The following CENPW variants were observed in gnomAD, a reference collection of about 807,000 sequenced individuals.
The protein encoded by CENPW is cancer-up-regulated gene 2 protein.
In CENPW, 3 loss-of-function variants were observed where a neutral mutation model predicts 11.1. The observed-to-expected ratio is 0.27, with a 90% CI of 0.12 to 0.70. The LOEUF is 0.70. Ranked by LOEUF, CENPW falls within the 30% of genes least tolerant of loss-of-function variation. The pLI is 0.77. For missense variants in CENPW, 100 were observed against 105.6 expected (o/e 0.95, Z 0.23); for synonymous variants, 38 against 42.0 (o/e 0.91, Z 0.37).
At chr6:126,355,036 C>T in the CENPW span, among the ~76,000 whole-genome samples, 2 of 151,948 alleles carry the variant, frequency 1.3e-5, no homozygotes, top group African/African-American at 2.4e-5. Flanking sequence ...TTTAATAAAA[C>T]CCATGTGGAA....
chr6:126,370,856 G>A, the CENPW span, among the ~76,000 whole-genome samples: 1 of 151,708 alleles, frequency 6.6e-6, no homozygotes, highest in Non-Finnish European at 1.5e-5. Flanking sequence ...AGGTTCAAGT[G>A]ATTCTCCTGC....
At chr6:126,429,636 A>C in the CENPW span, among the ~76,000 whole-genome samples, 1 of 150,298 alleles carries the variant, frequency 6.7e-6, no homozygotes, top group African/African-American at 2.5e-5. Flanking sequence ...GCCCATTAAA[A>C]CTCTTTTCTT....
chr6:126,375,235 C>T, the CENPW span, among the ~76,000 whole-genome samples: 1 of 152,276 alleles, frequency 6.6e-6, no homozygotes, highest in Admixed American at 6.5e-5. Context: ...GAAAGTAAGT[C>T]AGCCTTGCTG....
the CENPW span, among the ~76,000 whole-genome samples, chr6:126,459,876 T>TGTTA: frequency 6.6e-6 from 1 of 151,628 alleles, no homozygotes; most frequent in South Asian, 2.1e-4. Flanking sequence ...TATTAACAAC[T>TGTTA]GTTACATGTC....
the CENPW span, among the ~76,000 whole-genome samples, chr6:126,405,255 T>C: frequency 6.6e-6 from 1 of 152,100 alleles, no homozygotes; most frequent in Non-Finnish European, 1.5e-5. Context: ...TTAAAAAGAC[T>C]ATCCTTTTCT....
At chr6:126,408,903 T>C in the CENPW span, among the ~76,000 whole-genome samples, 1 of 152,050 alleles carries the variant, frequency 6.6e-6, no homozygotes, top group Non-Finnish European at 1.5e-5. Flanking sequence ...TCGTTTATGT[T>C]TTCAAAAAGC....
the CENPW span, among the ~76,000 whole-genome samples, chr6:126,435,669 AC>A: frequency 6.6e-6 from 1 of 151,884 alleles, no homozygotes; most frequent in Non-Finnish European, 1.5e-5. Flanking sequence ...TTCTCAGATA[AC>A]CATTATTATT....
chr6:126,340,565 A>G (rs1179072909), intron 1 of CENPW, 166 bp downstream of exon 1: 24 of 927,230 alleles, frequency 2.6e-5, no homozygotes, highest in African/African-American at 5.0e-5. Context: ...CTGGCATGTC[A>G]GTTCATATTC....
the CENPW span, among the ~76,000 whole-genome samples, chr6:126,415,701 A>G: frequency 6.6e-6 from 1 of 152,144 alleles, no homozygotes; most frequent in Non-Finnish European, 1.5e-5. Flanking sequence ...ACAAGATCTG[A>G]TGGTTTTAAA....
the CENPW span, among the ~76,000 whole-genome samples, chr6:126,417,054 A>G: frequency 6.6e-6 from 1 of 152,166 alleles, no homozygotes; most frequent in African/African-American, 2.4e-5. Context: ...AGGAGGATGT[A>G]CTCTTCAAAG....
At chr6:126,413,042 C>T in the CENPW span, among the ~76,000 whole-genome samples, 1 of 152,016 alleles carries the variant, frequency 6.6e-6, no homozygotes, top group African/African-American at 2.4e-5. Context: ...ATGATTATTT[C>T]AAAATAATTT....
chr6:126,396,904 T>C, the CENPW span, among the ~76,000 whole-genome samples: 1 of 151,956 alleles, frequency 6.6e-6, no homozygotes, highest in Non-Finnish European at 1.5e-5. Context: ...CCCTATTATA[T>C]TGTGGTTGAA....
At chr6:126,468,243 A>T in the CENPW span, among the ~76,000 whole-genome samples, 1 of 151,932 alleles carries the variant, frequency 6.6e-6, no homozygotes, top group Non-Finnish European at 1.5e-5. Context: ...CAACATGGAG[A>T]AACCCCATCT....
the CENPW span, among the ~76,000 whole-genome samples, chr6:126,367,574 T>C: frequency 1.9e-4 from 29 of 152,268 alleles, no homozygotes; most frequent in African/African-American, 6.3e-4. Flanking sequence ...GATTAGAGTG[T>C]AGCAGGGTAG....
At chr6:126,433,867 T>G in the CENPW span, among the ~76,000 whole-genome samples, 1 of 152,072 alleles carries the variant, frequency 6.6e-6, no homozygotes, top group Non-Finnish European at 1.5e-5. Flanking sequence ...GATAATTATT[T>G]TATCACTCTA....
At chr6:126,402,161 A>G in the CENPW span, among the ~76,000 whole-genome samples, 1 of 152,058 alleles carries the variant, frequency 6.6e-6, no homozygotes, top group Non-Finnish European at 1.5e-5. Flanking sequence ...CCAAAATCTG[A>G]CACGTATTTT....
the CENPW span, among the ~76,000 whole-genome samples, chr6:126,386,030 T>C: frequency 6.6e-6 from 1 of 152,124 alleles, no homozygotes; most frequent in Non-Finnish European, 1.5e-5. Flanking sequence ...AGTATAAATG[T>C]ATTCTTTTGA....
the CENPW span, among the ~76,000 whole-genome samples, chr6:126,444,213 T>C: frequency 1.3e-5 from 2 of 150,996 alleles, no homozygotes; most frequent in East Asian, 3.9e-4. Context: ...TTTCTGTACA[T>C]ATGTAGCTTA....
At chr6:126,358,796 T>A in the CENPW span, among the ~76,000 whole-genome samples, 1 of 152,064 alleles carries the variant, frequency 6.6e-6, no homozygotes, top group Non-Finnish European at 1.5e-5. Flanking sequence ...CCTCCCAAGA[T>A]TGAACCAGGA....
Sources: allele counts gnomAD v4.1 joint callset (sites outside exome capture counted in the v4.1 genomes callset), GRCh38; gene constraint gnomAD v4.1.1; transcripts MANE v1.5; gene names NCBI Gene and HGNC (gene_info 2026-07-23, HGNC 2026-07-21).